Variants in PER2 observed in about 807,000 individuals in gnomAD.
PER2 encodes the protein period circadian regulator 2.
PER2 carries 66 observed loss-of-function variants against 121.0 expected under a neutral mutation model. The observed-to-expected ratio is 0.55, with a 90% CI of 0.45 to 0.67. The LOEUF (loss-of-function observed/expected upper bound fraction) is 0.67, where lower values mean the gene tolerates loss of function less well. PER2 is among the 30% of genes least tolerant of loss of function. The pLI is 0.00. For missense variants in PER2, 1,521 were observed against 1,635.0 expected (o/e 0.93, Z 1.20); for synonymous variants, 684 against 659.9 (o/e 1.04, Z -0.56).
At chr2:238,248,398 G>C (rs1695503552) in intron 22 of PER2, among the ~76,000 whole-genome samples, 2 of 152,212 alleles carry the variant, frequency 1.3e-5, no homozygotes, top group Admixed American at 6.5e-5. Flanking sequence ...ACATGTGCCT[G>C]AGAGCACGCC....
intron 9 of PER2, among the ~76,000 whole-genome samples, chr2:238,264,769 C>T (rs1348678777): frequency 1.3e-5 from 2 of 152,138 alleles, no homozygotes; most frequent in African/African-American, 2.4e-5. Context: ...ACTACAGGTG[C>T]ACACCACCAC....
At chr2:238,248,060 CCAGGGCTTGCAGGGTG>C (rs1290777900) in intron 22 of PER2, among the ~76,000 whole-genome samples, 1 of 152,170 alleles carries the variant, frequency 6.6e-6, no homozygotes, top group Non-Finnish European at 1.5e-5. Context: ...CAGGATGCCT[CCAGGGCTTGCAGGGTG>C]CAGGTGGGGA....
At position 238,262,981 on chromosome 2, in the gene PER2, C is replaced by T; in HGVS notation, c.1124G>A (p.Arg375Lys). The T allele has an allele frequency of 1.2e-6, 2 of 1,613,718 alleles. No individual in the cohort carries two copies. The highest frequency in any genetic ancestry group is 1.7e-6 in the Non-Finnish European group (2 of 1,179,646). ...TTTGTGGATGGCCAGCATCAAGGGC[C>T]TGTCACTAGGGTGGAGCTGCACGAG... Reference protein sequence around the residue: ...PVLVQLHPSDRPLMLAIHKKI... With the variant: ...PVLVQLHPSDKPLMLAIHKKI... Residue 375 changes from arginine to lysine, a missense_variant, in exon 10 of 23, where the codon AGG becomes AAG. Coordinates refer to ENST00000254657, the MANE Select transcript of PER2 (RefSeq NM_022817.3).
rs1410080774 is a variant in PER2, at chr2:238,252,475, T to C, written c.3111+437A>G. On this transcript the variant is annotated intron_variant, in intron 19 of 22. Transcript: ENST00000254657. The surrounding 1 kb of genome is among the most constrained non-coding windows in gnomAD (Gnocchi z 4.2). ...CCCTACGCCTGCGGAGGATGGAAAC[T>C]GAGGTCACGCTGGTTTTAGGGCTGT... Among the ~76,000 whole-genome samples, 1 of 152,250 alleles carries C rather than the reference T, an allele frequency of 6.6e-6. No individual in the cohort carries two copies. Among genetic ancestry groups the C allele is most frequent in the African/African-American group, 2.4e-5 (1 of 41,468 alleles).
intron 9 of PER2, among the ~76,000 whole-genome samples, chr2:238,263,984 G>A (rs112352076): frequency 6.6e-6 from 1 of 151,218 alleles, no homozygotes; most frequent in African/African-American, 2.4e-5. Flanking sequence ...AAAAAGAGGG[G>A]GAGGAGGAAG....
At chr2:238,258,044 G>A (rs556836419) in intron 16 of PER2, among the ~76,000 whole-genome samples, 79 of 152,216 alleles carry the variant, frequency 5.2e-4, no homozygotes, top group African/African-American at 1.9e-3. Flanking sequence ...GTCAGGGGAC[G>A]GCCCCAGGCC....
At chr2:238,292,424 A>C (rs1394511934), upstream of PER2, among the ~76,000 whole-genome samples, 2 of 152,154 alleles carry the variant, frequency 1.3e-5, no homozygotes, top group African/African-American at 2.4e-5. Flanking sequence ...GGAGCCTGGA[A>C]TGTAAGCATC....
chr2:238,298,545 T>A, the PER2 span: 1 of 152,356 alleles, frequency 6.6e-6, no homozygotes, highest in Admixed American at 6.5e-5. Flanking sequence ...TGGCCTGTTC[T>A]TCCATGGCTT....
chr2:238,297,183 C>G, the PER2 span, among the ~76,000 whole-genome samples: 2 of 151,452 alleles, frequency 1.3e-5, no homozygotes, highest in Non-Finnish European at 2.9e-5. Flanking sequence ...CCCCCACGCT[C>G]TGCGGCTGGC....
At position 238,260,848 on chromosome 2, in the gene PER2, C is replaced by T. The variant is rs746007167; in HGVS notation, c.1522G>A (p.Asp508Asn). ...TSSSDSNGHE[D>N]SRRRRAEICK... is the part of the protein sequence containing the mutation. ...CGTACGGCTCTCCTCCGGCGTGAGT[C>T]CTCATGGCCGTTGCTGTCGCTGGAG... is the stretch of plus-strand genomic sequence containing the variant. Residue 508 changes from aspartate (D) to asparagine (N), a missense_variant, in exon 13 of 23, where the codon GAC becomes AAC. Coordinates refer to ENST00000254657, the MANE Select transcript of PER2 (RefSeq NM_022817.3). 1.9e-5 allele frequency: 31 copies of T among 1,614,028 alleles called. No individual in the cohort carries two copies. The East Asian group carries it at 3.1e-4, about 16-fold the overall frequency.
chr2:238,249,238 A>G (rs1240717028), intron 21 of PER2, 26 bp from the exon 22 acceptor site: 2 of 1,606,544 alleles, frequency 1.2e-6, no homozygotes, highest in African/African-American at 2.7e-5. Context: ...AGAAATCGGT[A>G]AGCTTTCAAA....
At chr2:238,292,896 C>G (rs576845384), upstream of PER2, among the ~76,000 whole-genome samples, 27 of 151,964 alleles carry the variant, frequency 1.8e-4, no homozygotes, top group Non-Finnish European at 3.4e-4. Context: ...CGTAACCACA[C>G]CCAGCTAATT....
Position 238,250,757 on chromosome 2 carries a change from A to C in PER2, c.3275-14T>G. The C allele has an allele frequency of 6.3e-7, 1 of 1,585,020 alleles. No individual in the cohort carries two copies. Among genetic ancestry groups the C allele is most frequent in the Non-Finnish European group, 8.7e-7 (1 of 1,153,930 alleles). ...TGTCACTACTGCCTTTAAAAACAAA[A>C]AACGTGGTGCGTCAAAACATTGACA... On this transcript the variant is annotated splice_polypyrimidine_tract_variant and intron_variant, in intron 20 of 22. Transcript: ENST00000254657.
rs1390226045 is a variant in PER2, at chr2:238,256,961, T to C, written c.2026A>G (p.Ile676Val). Residue 676 changes from isoleucine to valine, a missense_variant, in exon 17 of 23, where the codon ATC (isoleucine) becomes GTC (valine). Coordinates refer to ENST00000254657, the MANE Select transcript of PER2 (RefSeq NM_022817.3). ...GGCTTCTTGTCTCCCACATGGACGATGGTGCTGCTGTAGCTGCACTGGCTG... is the reference window on the plus strand; with the variant it reads ...GGCTTCTTGTCTCCCACATGGACGACGGTGCTGCTGTAGCTGCACTGGCTG... ...LTSQCSYSST[I>V]VHVGDKKPQP... The C allele has an allele frequency of 6.2e-7, 1 of 1,614,146 alleles. No individual in the cohort carries two copies.
chr2:238,265,170 G>C (rs1696054908), intron 9 of PER2, among the ~76,000 whole-genome samples: 1 of 152,224 alleles, frequency 6.6e-6, no homozygotes, highest in African/African-American at 2.4e-5. Flanking sequence ...CTGGAAGATA[G>C]ACTTCTGCTG....
chr2:238,256,096 A>G (rs1229079329), intron 17 of PER2, among the ~76,000 whole-genome samples, 185 bp from the exon 18 acceptor site: 1 of 152,266 alleles, frequency 6.6e-6, no homozygotes, highest in Non-Finnish European at 1.5e-5. Context: ...AAAAGGCAAG[A>G]AGCAGAGCAG....
intron 8 of PER2, among the ~76,000 whole-genome samples, chr2:238,265,887 G>A (rs949078849): frequency 6.6e-6 from 1 of 151,962 alleles, no homozygotes; most frequent in East Asian, 1.9e-4. Flanking sequence ...AAATAAAGCT[G>A]GAAGGCCATC....
intron 22 of PER2, among the ~76,000 whole-genome samples, chr2:238,248,060 C>G (rs539165824): frequency 5.1e-4 from 77 of 152,288 alleles, no homozygotes; most frequent in African/African-American, 1.6e-3. Flanking sequence ...CAGGATGCCT[C>G]CAGGGCTTGC....
chr2:238,275,803 C>T lies in PER2; in HGVS notation c.388G>A (p.Gly130Ser). 6.2e-7 allele frequency: 1 copy of T among 1,614,192 alleles called. No individual in the cohort carries two copies. Among genetic ancestry groups the T allele is most frequent in the Non-Finnish European group, 8.5e-7 (1 of 1,180,020 alleles). Residue 130 changes from glycine to serine, a missense_variant, in exon 4 of 23, where the codon GGC (glycine) becomes AGC (serine). Transcript: ENST00000254657. ...VHLPADKKAK[G>S]KASTLATLKY... Reference sequence around the variant, plus strand: ...AAGGTGGCCAGCGTACTGGCCTTGCCCTTGGCCTTCTTGTCTGCAGGGAGG... The same window carrying T: ...AAGGTGGCCAGCGTACTGGCCTTGCTCTTGGCCTTCTTGTCTGCAGGGAGG...
Sources: allele counts gnomAD v4.1 joint callset (sites outside exome capture counted in the v4.1 genomes callset), GRCh38; gene constraint gnomAD v4.1.1; non-coding constraint Gnocchi (gnomAD v3.1); transcripts MANE v1.5; gene names NCBI Gene and HGNC (gene_info 2026-07-23, HGNC 2026-07-21).